The following CNTNAP2 variants were observed in gnomAD, a reference collection of about 807,000 sequenced individuals.
The protein encoded by CNTNAP2 is contactin associated protein 2.
A neutral mutation model predicts 155.2 loss-of-function variants in CNTNAP2; 98 were observed. That is an observed-to-expected ratio of 0.63 (90% CI 0.54 to 0.75). The LOEUF is 0.75. CNTNAP2 is among the 30% of genes least tolerant of loss of function. The pLI is 0.00. For missense variants in CNTNAP2, 1,727 were observed against 1,688.1 expected (o/e 1.02, Z -0.40); for synonymous variants, 651 against 631.2 (o/e 1.03, Z -0.47).
chr7:147,079,907 A>G (rs1800085628), intron 4 of CNTNAP2, among the ~76,000 whole-genome samples: 1 of 151,984 alleles, frequency 6.6e-6, no homozygotes, highest in Non-Finnish European at 1.5e-5. Flanking sequence ...GATATTTTAA[A>G]TATCACTTCA....
Position 148,097,340 on chromosome 7 carries a change from T to TAAAAAAAAAA in CNTNAP2, c.2384-20765_2384-20756dup, listed in dbSNP as rs754030091. Among the ~76,000 whole-genome samples, 110 of 78,468 alleles carry TAAAAAAAAAA rather than the reference T, an allele frequency of 1.4e-3. 1 individual carries two copies. The highest frequency in any genetic ancestry group is 4.5e-3 in the African/African-American group (95 of 20,940). The allele number at this position is 78,468 out of a possible 152,430, so 51.5% of individuals were successfully genotyped here. A position where few individuals can be genotyped will look rare whatever the true frequency, so the allele number is the denominator to read the frequency against. ...GTTTAAATTCAGCTCGTGTCATTTG[T>TAAAAAAAAAA]AAAAAAAAAAAAAAAAAAAAAACCA... On this transcript the variant is annotated intron_variant, in intron 15 of 23. Transcript: ENST00000361727.
chr7:148,055,307 CT>C (rs1802986233), intron 15 of CNTNAP2, among the ~76,000 whole-genome samples: 1 of 152,166 alleles, frequency 6.6e-6, no homozygotes, highest in African/African-American at 2.4e-5. Flanking sequence ...TGATCACTAA[CT>C]TTTGAAGTGC....
At chr7:147,661,621 C>T (rs1166235228) in intron 13 of CNTNAP2, among the ~76,000 whole-genome samples, 7 of 151,116 alleles carry the variant, frequency 4.6e-5, no homozygotes, top group African/African-American at 1.7e-4. Flanking sequence ...GGCATGACCT[C>T]GGCTCACTAC....
intron 1 of CNTNAP2, among the ~76,000 whole-genome samples, chr7:146,728,903 T>C (rs1290117695): frequency 6.6e-6 from 1 of 152,176 alleles, no homozygotes; most frequent in Non-Finnish European, 1.5e-5. Context: ...TCAGTGGAAA[T>C]ATATTTAGCA....
At chr7:147,925,899 ATCT>A (rs1800389925) in intron 14 of CNTNAP2, among the ~76,000 whole-genome samples, 1 of 152,142 alleles carries the variant, frequency 6.6e-6, no homozygotes, top group Non-Finnish European at 1.5e-5. Flanking sequence ...GCAACAACTG[ATCT>A]TCTTACTGTT....
Position 147,946,766 on chromosome 7 carries a change from A to C in CNTNAP2, c.2256-31096A>C, listed in dbSNP as rs1244910376. Among the ~76,000 whole-genome samples, 4 of 152,162 alleles carry C rather than the reference A, an allele frequency of 2.6e-5. No homozygotes were observed. The East Asian group carries it at 7.7e-4, about 29-fold the overall frequency. On this transcript the variant is annotated intron_variant, in intron 14 of 23. Transcript: ENST00000361727. ...TGGGTCTCTAGATTTACAAAGAAGC[A>C]TGTTGAATCTGTAGAGGCAAATGGG...
chr7:147,382,854 A>T (rs558341119), intron 9 of CNTNAP2, among the ~76,000 whole-genome samples: 1 of 152,294 alleles, frequency 6.6e-6, no homozygotes, highest in African/African-American at 2.4e-5. Flanking sequence ...GTACATTGTC[A>T]GCCAAAGAAA....
intron 1 of CNTNAP2, among the ~76,000 whole-genome samples, chr7:146,376,926 T>C (rs1222444945): frequency 6.6e-6 from 1 of 152,142 alleles, no homozygotes; most frequent in Non-Finnish European, 1.5e-5. Context: ...ATTCAAAGCA[T>C]CATCTTAGAA....
At chr7:146,706,210 CT>C (rs1425177738) in intron 1 of CNTNAP2, among the ~76,000 whole-genome samples, 1 of 152,060 alleles carries the variant, frequency 6.6e-6, no homozygotes, top group Non-Finnish European at 1.5e-5. Context: ...ATGAAGTAAC[CT>C]TTTTCTCTAC....
chr7:148,225,769 G>A lies in CNTNAP2; in HGVS notation c.3248-3877G>A, dbSNP rs142921930. Among the ~76,000 whole-genome samples the A allele has an allele frequency of 5.6e-4, 85 of 152,254 alleles. 2 individuals are homozygous for A. In the Middle Eastern group the frequency reaches 0.01, roughly 18 times the overall value. On this transcript the variant is annotated intron_variant, in intron 19 of 23. Transcript: ENST00000361727. ...AGATGGCGACAAGTGGTAAGATTCAGGGCATATTTTGAAGATCAAGCCAAG... is the reference window on the plus strand; with the variant it reads ...AGATGGCGACAAGTGGTAAGATTCAAGGCATATTTTGAAGATCAAGCCAAG...
intron 1 of CNTNAP2, among the ~76,000 whole-genome samples, chr7:146,419,617 T>C (rs768049808): frequency 5.1e-4 from 77 of 152,208 alleles, no homozygotes; most frequent in Non-Finnish European, 8.4e-4. Context: ...AAGAGTTGAA[T>C]AGACATTTTT....
chr7:146,457,670 A>ATTTTT (rs1309394047), intron 1 of CNTNAP2, among the ~76,000 whole-genome samples: 1 of 149,644 alleles, frequency 6.7e-6, no homozygotes, highest in Non-Finnish European at 1.5e-5. Context: ...TGCCCGGTTA[A>ATTTTT]TTTTTTTTAT....
intron 16 of CNTNAP2, among the ~76,000 whole-genome samples, chr7:148,138,547 A>G (rs1233481078): frequency 6.6e-6 from 1 of 152,084 alleles, no homozygotes; most frequent in African/African-American, 2.4e-5. Context: ...TTGCCGCACA[A>G]CCTGAATATG....
At chr7:146,615,003 T>C (rs1799201449) in intron 1 of CNTNAP2, among the ~76,000 whole-genome samples, 1 of 152,152 alleles carries the variant, frequency 6.6e-6, no homozygotes, top group Admixed American at 6.5e-5. Flanking sequence ...GAAAATATAC[T>C]GGGAAATGTA....
At chr7:148,069,751 C>T (rs1366491537) in intron 15 of CNTNAP2, among the ~76,000 whole-genome samples, 1 of 142,084 alleles carries the variant, frequency 7.0e-6, no homozygotes, top group Non-Finnish European at 1.5e-5. Flanking sequence ...CAGACAAAGA[C>T]TCCGTCTCAA....
At chr7:146,386,720 A>T (rs554717913) in intron 1 of CNTNAP2, among the ~76,000 whole-genome samples, 1 of 152,254 alleles carries the variant, frequency 6.6e-6, no homozygotes, top group Admixed American at 6.5e-5. Context: ...TATTGTCTTT[A>T]TTGTAAATAA....
intron 1 of CNTNAP2, among the ~76,000 whole-genome samples, chr7:146,362,479 C>T (rs769428661): frequency 1.3e-4 from 20 of 152,082 alleles, no homozygotes; most frequent in Non-Finnish European, 2.6e-4. Context: ...AAGGAGCAGC[C>T]TGTGAATGGC....
At chr7:146,308,093 A>T (rs912678337) in intron 1 of CNTNAP2, among the ~76,000 whole-genome samples, 2 of 152,210 alleles carry the variant, frequency 1.3e-5, no homozygotes, top group Non-Finnish European at 2.9e-5. Context: ...CAAAGGGCTA[A>T]TATCCAGAAT....
chr7:146,857,578 T>C, intron 3 of CNTNAP2, among the ~76,000 whole-genome samples: 1 of 151,914 alleles, frequency 6.6e-6, no homozygotes, highest in East Asian at 1.9e-4. Context: ...CTCCAGAAAA[T>C]AGAGATTTGA....
Sources: allele counts gnomAD v4.1 joint callset (sites outside exome capture counted in the v4.1 genomes callset), GRCh38; gene constraint gnomAD v4.1.1; transcripts MANE v1.5; gene names NCBI Gene and HGNC (gene_info 2026-07-23, HGNC 2026-07-21).